The following PDPK1 variants were observed in gnomAD, a reference collection of about 807,000 sequenced individuals.
PDPK1 encodes 3-phosphoinositide dependent protein kinase 1.
PDPK1 carries 7 observed loss-of-function variants against 39.8 expected under a neutral mutation model. The ratio of observed to expected loss-of-function variants is 0.18; its 90% CI spans 0.10 to 0.33. PDPK1 has a LOEUF of 0.33. Ranked by LOEUF, PDPK1 falls within the 10% of genes least tolerant of loss-of-function variation. PDPK1 has a pLI of 1.00. For synonymous variants in PDPK1, 118 were observed against 159.1 expected (o/e 0.74, Z 1.95); for missense variants, 182 against 384.7 (o/e 0.47, Z 4.41).
intron 11 of PDPK1, 100 bp downstream of exon 11, chr16:2,586,993 G>C (rs1178233368): frequency 9.8e-7 from 1 of 1,017,924 alleles, no homozygotes; most frequent in African/African-American, 1.6e-5. Flanking sequence ...GCCTCCCTCA[G>C]CAGCCTTGGA....
intron 10 of PDPK1, among the ~76,000 whole-genome samples, chr16:2,586,436 C>A (rs1264700944): frequency 1.3e-5 from 2 of 152,250 alleles, no homozygotes; most frequent in Admixed American, 6.5e-5. Flanking sequence ...TCTGAGGCTT[C>A]GCCCCTCTCT....
intron 1 of PDPK1, chr16:2,557,497 C>CTAAT (rs1168569471): frequency 9.2e-6 from 4 of 436,360 alleles, no homozygotes; most frequent in Non-Finnish European, 1.6e-5. Flanking sequence ...CGAGGCGCTG[C>CTAAT]CTGGTGGATT....
Position 2,598,018 on chromosome 16 carries a change from G to C in PDPK1, c.*251G>C, listed in dbSNP as rs1003914338. The stretch of plus-strand genomic sequence containing the variant: ...CTCTCTGTGCTCCGTGGAGGCCTCC[G>C]TGTGCCCTCGTTGCCGTGGGGACCC... On this transcript the variant is annotated 3_prime_UTR_variant, in exon 14 of 14. Coordinates refer to ENST00000342085, the MANE Select transcript of PDPK1 (RefSeq NM_002613.5). 1 of 525,632 alleles carries C rather than the reference G, an allele frequency of 1.9e-6. No individual in the cohort carries two copies. 32.6% of individuals were successfully genotyped at this position (525,632 alleles called of 1,614,324 possible). A position where few individuals can be genotyped will look rare whatever the true frequency, so the allele number is the denominator to read the frequency against.
chr16:2,586,353 C>A (rs1272364284), intron 10 of PDPK1, among the ~76,000 whole-genome samples: 4 of 152,262 alleles, frequency 2.6e-5, no homozygotes, highest in Non-Finnish European at 5.9e-5. Context: ...CAGCCCCCAC[C>A]TCCGGGGGGC....
At chr16:2,586,548 C>G in intron 10 of PDPK1, 128 bp from the exon 11 acceptor site, 1 of 728,122 alleles carries the variant, frequency 1.4e-6, no homozygotes, top group Non-Finnish European at 2.3e-6. Flanking sequence ...GGCTGCCCAC[C>G]CTGTCGCCTT....
In PDPK1 at chr16:2,597,400, G is replaced by A. The variant is rs1416669379; in HGVS notation, c.1554+125G>A. Reference sequence around the variant, plus strand: ...TCGGGGCAGCTGCCTCGCCCTTTCCGACATCCCAGACGCCCACACTAGTGG... The same window carrying A: ...TCGGGGCAGCTGCCTCGCCCTTTCCAACATCCCAGACGCCCACACTAGTGG... On this transcript the variant is annotated intron_variant, in intron 13 of 13. Transcript: ENST00000342085. This position sits in a 1 kb window ranked among gnomAD's most constrained non-coding sequence, Gnocchi z 6.3. 7 of 864,546 alleles carry A rather than the reference G, an allele frequency of 8.1e-6. No homozygotes were observed. Among genetic ancestry groups the A allele is most frequent in the South Asian group, 1.7e-5 (1 of 60,550 alleles). 53.6% of individuals were successfully genotyped at this position (864,546 alleles called of 1,614,324 possible).
intron 1 of PDPK1, chr16:2,538,489 G>T (rs2066179781): frequency 1.9e-6 from 1 of 518,106 alleles, no homozygotes. Context: ...TTACCTTTCG[G>T]TTCTGTCTGT....
intron 11 of PDPK1, chr16:2,592,429 CAG>C (rs1040516385): frequency 4.8e-4 from 129 of 269,628 alleles, no homozygotes; most frequent in African/African-American, 2.8e-3. Context: ...AAAGGGCTCT[CAG>C]GGCAGGGGAT....
At chr16:2,545,779 AC>A (rs1343670270) in intron 1 of PDPK1, among the ~76,000 whole-genome samples, 3 of 152,132 alleles carry the variant, frequency 2.0e-5, no homozygotes, top group African/African-American at 7.2e-5. Context: ...GGCGTAAGCC[AC>A]CATGCCCAGC....
In PDPK1 at chr16:2,597,381, C is replaced by A; in HGVS notation, c.1554+106C>A. On this transcript the variant is annotated intron_variant, in intron 13 of 13. Transcript: ENST00000342085. This position sits in a 1 kb window ranked among gnomAD's most constrained non-coding sequence, Gnocchi z 6.3. ...CCAGAGGGAGCAGCGGGGATCGGGG[C>A]AGCTGCCTCGCCCTTTCCGACATCC... The A allele has an allele frequency of 9.5e-7, 1 of 1,051,056 alleles. No individual in the cohort carries two copies. Among genetic ancestry groups the A allele is most frequent in the Non-Finnish European group, 1.4e-6 (1 of 712,386 alleles). 65.1% of individuals were successfully genotyped at this position (1,051,056 alleles called of 1,614,324 possible).
chr16:2,545,057 G>A (rs550874816), intron 1 of PDPK1, among the ~76,000 whole-genome samples: 1 of 136,434 alleles, frequency 7.3e-6, no homozygotes, highest in South Asian at 2.3e-4. Flanking sequence ...TTTTTTTTGA[G>A]ATGGAATCTC....
In PDPK1 at chr16:2,593,944, C is replaced by G. The variant is rs545861877; in HGVS notation, c.1344-1849C>G. On this transcript the variant is annotated intron_variant, in intron 11 of 13. Transcript: ENST00000342085. The surrounding 1 kb of genome is among the most constrained non-coding windows in gnomAD (Gnocchi z 4.2). ...ATTGTGTGTGTTTGCAGGCGAAGTCCCTGGTGCGAGAGGAGGGCTGCACTT... is the reference window on the plus strand; with the variant it reads ...ATTGTGTGTGTTTGCAGGCGAAGTCGCTGGTGCGAGAGGAGGGCTGCACTT... 2.0e-5 allele frequency: 3 copies of G among 152,408 alleles called. No homozygotes were observed. In the South Asian group the frequency reaches 6.2e-4, roughly 32 times the overall value. The allele number at this position is 152,408 out of a possible 1,614,324, so 9.4% of individuals were successfully genotyped here. A position where few individuals can be genotyped will look rare whatever the true frequency, so the allele number is the denominator to read the frequency against.
In PDPK1 at chr16:2,593,057, G is replaced by T. The variant is rs1322669771; in HGVS notation, c.1344-2736G>T. 1.5e-5 allele frequency: 7 copies of T among 456,394 alleles called. No individual in the cohort carries two copies. Among genetic ancestry groups the T allele is most frequent in the Admixed American group, 1.4e-4 (6 of 42,542 alleles). The allele number at this position is 456,394 out of a possible 1,614,324, so 28.3% of individuals were successfully genotyped here. A position where few individuals can be genotyped will look rare whatever the true frequency, so the allele number is the denominator to read the frequency against. On this transcript the variant is annotated intron_variant, in intron 11 of 13. Coordinates refer to ENST00000342085, the MANE Select transcript of PDPK1 (RefSeq NM_002613.5). This position sits in a 1 kb window ranked among gnomAD's most constrained non-coding sequence, Gnocchi z 4.2. ...TCTCAGGATGGATTTCTGGAAGCGA[G>T]GCTACTTCTCAGTACTATTTCCGAA...
At chr16:2,544,352 C>G (rs754217089) in intron 1 of PDPK1, among the ~76,000 whole-genome samples, 4 of 152,148 alleles carry the variant, frequency 2.6e-5, no homozygotes, top group South Asian at 2.1e-4. Flanking sequence ...ATGAGGACCA[C>G]ACATTGAGCT....
rs1473851709 is a variant in PDPK1, at chr16:2,602,958, GTATT to G, written c.*5192_*5195del. 4.3e-6 allele frequency: 1 copy of G among 231,842 alleles called. No individual in the cohort carries two copies. The highest frequency in any genetic ancestry group is 8.5e-6 in the Non-Finnish European group (1 of 117,064). The allele number at this position is 231,842 out of a possible 1,614,324, so 14.4% of individuals were successfully genotyped here. The stretch of plus-strand genomic sequence containing the variant: ...CATGTTCGGGGCCACGTTGTTGTAT[GTATT>G]GATGTACAGCCTTGAATGTGAATAA... On this transcript the variant is annotated 3_prime_UTR_variant, in exon 14 of 14. Transcript: ENST00000342085.
rs1176841567 is a variant in PDPK1, at chr16:2,546,916, G to A, written c.24+8780G>A. Among the ~76,000 whole-genome samples the A allele has an allele frequency of 5.3e-5, 8 of 151,144 alleles. No homozygotes were observed. The East Asian group carries it at 1.2e-3, about 22-fold the overall frequency. On this transcript the variant is annotated intron_variant, in intron 1 of 13. Coordinates refer to ENST00000342085, the MANE Select transcript of PDPK1 (RefSeq NM_002613.5). The stretch of plus-strand genomic sequence containing the variant: ...GCAGCCCACCTGTCTCAGAGTCCCC[G>A]CTGTGCACCCAGGCCCAGGGCTCAG...
At chr16:2,546,787 C>T (rs976643810) in intron 1 of PDPK1, among the ~76,000 whole-genome samples, 10 of 152,172 alleles carry the variant, frequency 6.6e-5, no homozygotes, top group Admixed American at 5.2e-4. Flanking sequence ...GCAAAAGGGA[C>T]GTGTGCTCTG....
Position 2,597,027 on chromosome 16 carries a change from C to A in PDPK1, c.1402-96C>A, listed in dbSNP as rs1049087610. The A allele has an allele frequency of 4.2e-6, 4 of 942,136 alleles. No homozygotes were observed. In the African/African-American group the frequency reaches 6.6e-5, roughly 16 times the overall value. The allele number at this position is 942,136 out of a possible 1,614,324, so 58.4% of individuals were successfully genotyped here. On this transcript the variant is annotated intron_variant, in intron 12 of 13. Transcript: ENST00000342085. The surrounding 1 kb of genome is among the most constrained non-coding windows in gnomAD (Gnocchi z 6.3). ...ACAGGTGGTGGTGGTGGCCCTGTGT[C>A]CTGAGCAGCTCCGAGGGGCCGCCCA...
At chr16:2,589,643 C>G (rs1280962425) in intron 11 of PDPK1, among the ~76,000 whole-genome samples, 4 of 149,322 alleles carry the variant, frequency 2.7e-5, no homozygotes, top group African/African-American at 9.9e-5. Context: ...GAGCAGAGAG[C>G]TTGCCACTGC....
Sources: allele counts gnomAD v4.1 joint callset (sites outside exome capture counted in the v4.1 genomes callset), GRCh38; gene constraint gnomAD v4.1.1; non-coding constraint Gnocchi (gnomAD v3.1); transcripts MANE v1.5; gene names NCBI Gene and HGNC (gene_info 2026-07-23, HGNC 2026-07-21).